Variants in GNG2 observed in about 807,000 individuals in gnomAD.
GNG2 encodes the protein G protein subunit gamma 2.
Under a neutral mutation model 5.5 loss-of-function variants are expected in GNG2, and 5 were observed. That is an observed-to-expected ratio of 0.91 (90% CI 0.48 to 1.92). The LOEUF is 1.92. Among genes scored for constraint, GNG2 ranks in the 30% most tolerant of loss-of-function variants. The pLI, the probability that GNG2 is intolerant of heterozygous loss-of-function variation, is 0.01. For missense variants in GNG2, 55 were observed against 88.4 expected (o/e 0.62, Z 1.52); for synonymous variants, 28 against 32.0 (o/e 0.88, Z 0.42).
chr14:51,924,815 GT>G (rs1269215146), intron 2 of GNG2, among the ~76,000 whole-genome samples: 1 of 152,172 alleles, frequency 6.6e-6, no homozygotes, highest in African/African-American at 2.4e-5. Context: ...AAAACATCCT[GT>G]CCTCGTGCAC....
At chr14:51,946,098 T>C (rs1226770369) in intron 2 of GNG2, among the ~76,000 whole-genome samples, 3 of 152,220 alleles carry the variant, frequency 2.0e-5, no homozygotes, top group Admixed American at 6.5e-5. Flanking sequence ...AGCATGCATT[T>C]AACGTCTTGG....
chr14:51,906,757 C>CT (rs34240079), intron 2 of GNG2, among the ~76,000 whole-genome samples: 1,716 of 105,294 alleles, frequency 0.016, 114 homozygotes, highest in African/African-American at 0.044. Flanking sequence ...TGGAGAATCT[C>CT]TTTTTTTTTT....
At chr14:51,909,953 G>GC (rs1886194416) in intron 2 of GNG2, among the ~76,000 whole-genome samples, 3 of 152,138 alleles carry the variant, frequency 2.0e-5, no homozygotes, top group Admixed American at 6.5e-5. Flanking sequence ...AATGCATTGA[G>GC]AGACCAGGAC....
chr14:51,919,957 C>G (rs147942334), intron 2 of GNG2, among the ~76,000 whole-genome samples: 1 of 152,276 alleles, frequency 6.6e-6, no homozygotes, highest in African/African-American at 2.4e-5. Flanking sequence ...TAAACACATA[C>G]ACAATTAGAT....
intron 2 of GNG2, among the ~76,000 whole-genome samples, chr14:51,923,719 C>T (rs1214969348): frequency 6.6e-6 from 1 of 152,102 alleles, no homozygotes; most frequent in Non-Finnish European, 1.5e-5. Flanking sequence ...GTAAAAGTTT[C>T]ACTTTATTTT....
chr14:51,888,631 A>G (rs1375043197), intron 2 of GNG2, among the ~76,000 whole-genome samples: 1 of 152,156 alleles, frequency 6.6e-6, no homozygotes, highest in Non-Finnish European at 1.5e-5. Flanking sequence ...GTGTAAGAGA[A>G]ATTTTTAGAA....
intron 3 of GNG2, among the ~76,000 whole-genome samples, chr14:51,959,388 C>T (rs538676043): frequency 1.6e-4 from 25 of 152,272 alleles, no homozygotes; most frequent in African/African-American, 5.8e-4. Context: ...ACAGCAAGTT[C>T]GTTTTTCATT....
chr14:51,862,982 T>C (rs1028747692), intron 1 of GNG2, among the ~76,000 whole-genome samples: 2 of 94,112 alleles, frequency 2.1e-5, no homozygotes, highest in Non-Finnish European at 2.0e-5. Context: ...ATTTTAATTG[T>C]GCTTTTTTTT....
At chr14:51,881,541 G>A (rs1280611882) in intron 2 of GNG2, among the ~76,000 whole-genome samples, 3 of 152,180 alleles carry the variant, frequency 2.0e-5, no homozygotes, top group African/African-American at 2.4e-5. Context: ...CAGGGAAGCT[G>A]AAGGTCCTGG....
At chr14:51,888,348 T>G (rs1884606637) in intron 2 of GNG2, among the ~76,000 whole-genome samples, 1 of 152,166 alleles carries the variant, frequency 6.6e-6, no homozygotes, top group African/African-American at 2.4e-5. Flanking sequence ...AGACAAGGAC[T>G]TCCTTTGTCA....
chr14:51,835,880 A>G (rs1881315204), intron 2 of GNG2, among the ~76,000 whole-genome samples: 1 of 152,124 alleles, frequency 6.6e-6, no homozygotes, highest in South Asian at 2.1e-4. Context: ...GAAGCTTTAA[A>G]TGTCCAGTCT....
intron 2 of GNG2, among the ~76,000 whole-genome samples, chr14:51,829,820 C>A (rs74892259): frequency 0.012 from 1,856 of 150,668 alleles, 44 homozygotes; most frequent in African/African-American, 0.043. Context: ...GACCTATGCT[C>A]CTAGTTGATC....
chr14:51,831,497 A>G (rs1339947891), intron 2 of GNG2, among the ~76,000 whole-genome samples: 1 of 152,244 alleles, frequency 6.6e-6, no homozygotes, highest in Admixed American at 6.5e-5. Context: ...GATCCATAAA[A>G]TCTAGACTGT....
At chr14:51,908,192 A>C (rs1886055560) in intron 2 of GNG2, among the ~76,000 whole-genome samples, 1 of 152,190 alleles carries the variant, frequency 6.6e-6, no homozygotes, top group Non-Finnish European at 1.5e-5. Context: ...AGGAGGCCTC[A>C]GTTTCTCTTG....
intron 2 of GNG2, among the ~76,000 whole-genome samples, chr14:51,835,096 T>C (rs924100340): frequency 1.3e-4 from 20 of 152,206 alleles, no homozygotes; most frequent in Non-Finnish European, 2.2e-4. Flanking sequence ...TCTGAGGAAC[T>C]AGCAAAAGAG....
intron 3 of GNG2, among the ~76,000 whole-genome samples, chr14:51,965,539 A>G (rs1889844553): frequency 6.6e-6 from 1 of 152,200 alleles, no homozygotes; most frequent in Non-Finnish European, 1.5e-5. Context: ...AGCTACAAAT[A>G]TGTTGTAAGA....
chr14:51,914,182 G>A (rs1313436680), intron 2 of GNG2: 1 of 701,824 alleles, frequency 1.4e-6, no homozygotes, highest in East Asian at 2.7e-5. Flanking sequence ...GAGTATGTCT[G>A]CCACCACTCT....
chr14:51,860,237 A>G (rs1193905571), upstream of GNG2, among the ~76,000 whole-genome samples: 1 of 151,758 alleles, frequency 6.6e-6, no homozygotes, highest in African/African-American at 2.4e-5. Flanking sequence ...AAACAGCAGC[A>G]GCAGTAGAAA....
At chr14:51,928,850 G>A (rs1314737658) in intron 2 of GNG2, among the ~76,000 whole-genome samples, 2 of 152,154 alleles carry the variant, frequency 1.3e-5, no homozygotes, top group South Asian at 2.1e-4. Flanking sequence ...GTGATTTACA[G>A]GCGTGAGCCA....
Sources: allele counts gnomAD v4.1 joint callset (sites outside exome capture counted in the v4.1 genomes callset), GRCh38; gene constraint gnomAD v4.1.1; transcripts MANE v1.5; gene names NCBI Gene and HGNC (gene_info 2026-07-23, HGNC 2026-07-21).